The following NCOR1 variants were observed in gnomAD, a reference collection of about 807,000 sequenced individuals.
NCOR1 encodes nuclear receptor corepressor 1.
In NCOR1, 63 loss-of-function variants were observed where a neutral mutation model predicts 288.1. The observed-to-expected ratio is 0.22, with a 90% CI of 0.18 to 0.27. The LOEUF (loss-of-function observed/expected upper bound fraction) is 0.27, where lower values mean the gene tolerates loss of function less well. Ranked by LOEUF, NCOR1 falls within the 10% of genes least tolerant of loss-of-function variation. NCOR1 has a pLI of 1.00. For synonymous variants in NCOR1, 1,007 were observed against 1,065.9 expected (o/e 0.94, Z 1.08); for missense variants, 2,397 against 3,019.2 (o/e 0.79, Z 4.83).
chr17:16,095,450 GC>G (rs1324830497), intron 21 of NCOR1, among the ~76,000 whole-genome samples: 1 of 145,936 alleles, frequency 6.9e-6, no homozygotes, highest in Admixed American at 6.7e-5. Flanking sequence ...TGGGGGGTCA[GC>G]CCCCCGCCCG....
chr17:16,154,893 G>A (rs887654395), intron 6 of NCOR1, among the ~76,000 whole-genome samples: 4 of 152,120 alleles, frequency 2.6e-5, no homozygotes, highest in Admixed American at 1.3e-4. Flanking sequence ...TGGGACTAAC[G>A]CTCTTCACTG....
chr17:16,122,109 C>A (rs1343487950), intron 15 of NCOR1, among the ~76,000 whole-genome samples: 1 of 152,160 alleles, frequency 6.6e-6, no homozygotes, highest in Non-Finnish European at 1.5e-5. Flanking sequence ...TGCTTACCAT[C>A]GTCTCAGGCA....
intron 3 of NCOR1, among the ~76,000 whole-genome samples, chr17:16,185,683 CAAAAA>C (rs58712974): frequency 3.9e-4 from 13 of 33,390 alleles, no homozygotes; most frequent in South Asian, 1.8e-3. Context: ...GACTCTTTCT[CAAAAA>C]AAAAAAAAAA....
At chr17:16,179,516 C>T (rs1188224758) in intron 3 of NCOR1, among the ~76,000 whole-genome samples, 2 of 152,164 alleles carry the variant, frequency 1.3e-5, no homozygotes, top group African/African-American at 4.8e-5. Flanking sequence ...CTGAAGGCTT[C>T]ATGGCAGAAT....
chr17:16,147,244 A>G (rs1415262182), intron 9 of NCOR1, among the ~76,000 whole-genome samples: 2 of 152,156 alleles, frequency 1.3e-5, no homozygotes, highest in Admixed American at 1.3e-4. Flanking sequence ...CCCCGTCTCT[A>G]TTAAAAATAC....
intron 6 of NCOR1, among the ~76,000 whole-genome samples, chr17:16,156,587 T>C (rs1568374865): frequency 6.6e-6 from 1 of 151,832 alleles, no homozygotes; most frequent in Non-Finnish European, 1.5e-5. Context: ...ATGACTTCTA[T>C]AGTTGTTGTG....
At chr17:16,092,587 A>AC (rs1437600739) in intron 21 of NCOR1, among the ~76,000 whole-genome samples, 1 of 139,896 alleles carries the variant, frequency 7.1e-6, no homozygotes, top group African/African-American at 2.7e-5. Context: ...TATGGCAGCC[A>AC]AGTCCCTTGT....
intron 14 of NCOR1, among the ~76,000 whole-genome samples, chr17:16,130,850 A>G (rs919382973): frequency 7.1e-6 from 1 of 141,614 alleles, no homozygotes; most frequent in African/African-American, 2.6e-5. Flanking sequence ...CACCTGGCTA[A>G]TTTTTTTTTT....
chr17:16,092,693 A>ATTT (rs2065589466), intron 21 of NCOR1, among the ~76,000 whole-genome samples: 1 of 12,772 alleles, frequency 7.8e-5, no homozygotes, highest in African/African-American at 3.2e-4. Context: ...ATATATATAT[A>ATTT]TATTTTTTTT....
intron 8 of NCOR1, among the ~76,000 whole-genome samples, chr17:16,150,011 A>G (rs1462043764): frequency 1.3e-5 from 2 of 152,262 alleles, no homozygotes; most frequent in East Asian, 1.9e-4. Context: ...GAATGACACA[A>G]TCCACTCTAA....
At position 16,078,009 on chromosome 17, in the gene NCOR1, C is replaced by T. The variant is rs184545895; in HGVS notation, c.3501+1955G>A. The stretch of plus-strand genomic sequence containing the variant: ...ATGCCTCTGTGTTTTGACACTGATT[C>T]AGTTTAGGTCAGGTTATCTATATTT... On this transcript the variant is annotated intron_variant, in intron 26 of 45. Coordinates refer to ENST00000268712, the MANE Select transcript of NCOR1 (RefSeq NM_006311.4). 1.4e-4 allele frequency among the ~76,000 whole-genome samples: 21 copies of T among 152,262 alleles called. No homozygotes were observed. In the East Asian group the frequency reaches 4.1e-3, roughly 29 times the overall value.
intron 9 of NCOR1, 47 bp downstream of exon 9, chr17:16,149,404 G>A (rs2078522956): frequency 1.7e-6 from 2 of 1,144,664 alleles, no homozygotes; most frequent in Non-Finnish European, 2.5e-6. Flanking sequence ...AAATGAGCAT[G>A]AATGGGAAAG....
rs2153000043 is a variant in NCOR1, at chr17:16,101,732, G to A, written c.2208C>T (p.Asp736=). Reference sequence around the variant, plus strand: ...CTCGAGAAGTAGCATTTTCAGGACTGTCCTCGCTGGGCTTGACAGCTTCAA... The same window carrying A: ...CTCGAGAAGTAGCATTTTCAGGACTATCCTCGCTGGGCTTGACAGCTTCAA... ...SEVEAVKPSE[D]SPENATSRGN... Residue 736 remains aspartate (D), a synonymous_variant, in exon 20 of 46, where the codon GAC becomes GAT. Transcript: ENST00000268712. 1.2e-6 allele frequency: 2 copies of A among 1,614,208 alleles called. No homozygotes were observed. The highest frequency in any genetic ancestry group is 1.7e-6 in the Non-Finnish European group (2 of 1,180,048).
chr17:16,186,801 G>A (rs1307101749), intron 2 of NCOR1, 114 bp from the exon 3 acceptor site: 2 of 861,948 alleles, frequency 2.3e-6, no homozygotes, highest in Non-Finnish European at 3.6e-6. Context: ...AAAGAGCAAT[G>A]ACTATTTCAA....
intron 20 of NCOR1, among the ~76,000 whole-genome samples, chr17:16,100,643 A>C (rs556194070): frequency 6.6e-6 from 1 of 152,378 alleles, no homozygotes; most frequent in East Asian, 1.9e-4. Flanking sequence ...CGTCTCAAAA[A>C]AAGAAAAAAA....
chr17:16,125,846 T>C (rs574136469), intron 15 of NCOR1, among the ~76,000 whole-genome samples: 2 of 151,562 alleles, frequency 1.3e-5, no homozygotes, highest in South Asian at 4.2e-4. Flanking sequence ...TGTGGACACA[T>C]GGATATAGAG....
chr17:16,156,193 T>C (rs1220241588), intron 6 of NCOR1, among the ~76,000 whole-genome samples: 1 of 152,044 alleles, frequency 6.6e-6, no homozygotes, highest in Non-Finnish European at 1.5e-5. Context: ...CCCAACACTT[T>C]GGGAGGCCAA....
intron 6 of NCOR1, among the ~76,000 whole-genome samples, chr17:16,155,368 A>C (rs559922236): frequency 2.2e-4 from 31 of 138,564 alleles, no homozygotes; most frequent in African/African-American, 8.4e-4. Flanking sequence ...AAAAAAAAAA[A>C]ATACACACAC....
chr17:16,062,904 C>T (rs1327165901), intron 35 of NCOR1, among the ~76,000 whole-genome samples: 1 of 152,158 alleles, frequency 6.6e-6, no homozygotes, highest in Non-Finnish European at 1.5e-5. Flanking sequence ...CCTAACTCTC[C>T]CATAACCAAG....
Sources: allele counts gnomAD v4.1 joint callset (sites outside exome capture counted in the v4.1 genomes callset), GRCh38; gene constraint gnomAD v4.1.1; transcripts MANE v1.5; gene names NCBI Gene and HGNC (gene_info 2026-07-23, HGNC 2026-07-21).